Variants in DYTN observed in about 807,000 individuals in gnomAD.
DYTN encodes dystrotelin.
DYTN carries 75 observed loss-of-function variants against 69.6 expected under a neutral mutation model. That is an observed-to-expected ratio of 1.08 (90% CI 0.89 to 1.31). The LOEUF is 1.31. Ranked by LOEUF, DYTN falls within the 50% of genes most tolerant of loss-of-function variation. The pLI, the probability that DYTN is intolerant of heterozygous loss-of-function variation, is 0.00. For missense variants in DYTN, 726 were observed against 688.4 expected, an observed-to-expected ratio of 1.05 and a Z score of -0.61; for synonymous variants, 252 against 249.1, an observed-to-expected ratio of 1.01 and a Z score of -0.11.
intron 5 of DYTN, chr2:206,701,026 G>T (rs1000896854): frequency 6.6e-6 from 1 of 152,152 alleles, no homozygotes; most frequent in African/African-American, 2.4e-5. Flanking sequence ...GGGCATTTGG[G>T]TTTGTTCCAA....
intron 1 of DYTN, among the ~76,000 whole-genome samples, chr2:206,713,510 A>G (rs1700098579): frequency 6.6e-6 from 1 of 152,206 alleles, no homozygotes; most frequent in African/African-American, 2.4e-5. Flanking sequence ...AAGGAAGCAT[A>G]AAAGGAGATG....
At chr2:206,677,334 C>T (rs1272173550) in intron 9 of DYTN, among the ~76,000 whole-genome samples, 4 of 152,094 alleles carry the variant, frequency 2.6e-5, no homozygotes, top group African/African-American at 9.7e-5. Flanking sequence ...ATGTTAATGG[C>T]TATCAGAAAG....
At chr2:206,714,111 G>A (rs980061776) in intron 1 of DYTN, among the ~76,000 whole-genome samples, 5 of 152,202 alleles carry the variant, frequency 3.3e-5, no homozygotes, top group Non-Finnish European at 5.9e-5. Flanking sequence ...GAATGGAAAG[G>A]CAATGTTTCT....
intron 11 of DYTN, among the ~76,000 whole-genome samples, chr2:206,653,515 A>T (rs998116867): frequency 2.0e-5 from 3 of 152,234 alleles, no homozygotes; most frequent in Non-Finnish European, 2.9e-5. Context: ...TGTAATTAAA[A>T]GTCTATCTAG....
chr2:206,711,790 G>A (rs1252416782), intron 1 of DYTN, among the ~76,000 whole-genome samples: 1 of 133,278 alleles, frequency 7.5e-6, no homozygotes, highest in Non-Finnish European at 1.5e-5. Flanking sequence ...CTGTGTCCAT[G>A]TGTTCTCATT....
rs11436601 is a variant in DYTN at position 206,700,601 on chromosome 2, C to CTT, written c.484-387_484-386dup. On this transcript the variant is annotated intron_variant, in intron 5 of 11. Transcript: ENST00000452335. ...AGTTTAGAGTTTTAAAATATATATA[C>CTT]TTTTTTTTTTTACTTTAAGTTCTGG... is the stretch of plus-strand genomic sequence containing the variant. Among the ~76,000 whole-genome samples, 74 of 148,924 alleles carry CTT rather than the reference C, an allele frequency of 5.0e-4. No individual in the cohort carries two copies. In the East Asian group the frequency reaches 8.4e-3, roughly 17 times the overall value.
intron 11 of DYTN, among the ~76,000 whole-genome samples, chr2:206,656,606 T>C (rs1407742468): frequency 6.6e-6 from 1 of 152,206 alleles, no homozygotes; most frequent in Admixed American, 6.5e-5. Flanking sequence ...TTCGTTTTTT[T>C]CTTTTGTGCA....
rs772861150 is a variant in DYTN, at chr2:206,659,484, CAAAAAAAAAAAAAA to C, written c.1633+3405_1633+3418del. Among the ~76,000 whole-genome samples the C allele has an allele frequency of 1.0e-3, 65 of 64,576 alleles. 1 individual carries two copies. The highest frequency in any genetic ancestry group is 3.6e-3 in the African/African-American group (63 of 17,628). 42.4% of individuals were successfully genotyped at this position (64,576 alleles called of 152,430 possible). A position where few individuals can be genotyped will look rare whatever the true frequency, so the allele number is the denominator to read the frequency against. On this transcript the variant is annotated intron_variant, in intron 11 of 11. Coordinates refer to ENST00000452335, the MANE Select transcript of DYTN (RefSeq NM_001093730.1). ...CCACCACGCCGGGCCCAACAATTCT[CAAAAAAAAAAAAAA>C]AAAAAAAAAAAAACTGGATCGGTAG...
Position 206,663,351 on chromosome 2 carries a change from A to G in DYTN, c.1185T>C (p.Asn395=), listed in dbSNP as rs1471622825. Residue 395 remains asparagine (N), a synonymous_variant, in exon 11 of 12, where the codon AAT becomes AAC. Transcript: ENST00000452335. The stretch of plus-strand genomic sequence containing the variant: ...AAGAATGGTCAACCTTGTTCCCCAC[A>G]TTTTGAAAGGAAGAAGATGAAGGAC... ...PPGPSSSSFQ[N]VGNKVDHSST... 4 of 1,611,760 alleles carry G rather than the reference A, an allele frequency of 2.5e-6. No individual in the cohort carries two copies. Among genetic ancestry groups the G allele is most frequent in the Admixed American group, 3.4e-5 (2 of 59,622 alleles).
At chr2:206,655,402 T>C (rs1699436552) in intron 11 of DYTN, among the ~76,000 whole-genome samples, 1 of 151,812 alleles carries the variant, frequency 6.6e-6, no homozygotes, top group Non-Finnish European at 1.5e-5. Context: ...TGTGTCACCA[T>C]GCCCAGCTAA....
At chr2:206,681,179 ATTG>A (rs1384354173) in intron 9 of DYTN, among the ~76,000 whole-genome samples, 4 of 151,836 alleles carry the variant, frequency 2.6e-5, no homozygotes, top group African/African-American at 4.8e-5. Context: ...CTGCTTGTCT[ATTG>A]TTGTTGTATA....
At chr2:206,691,264 T>C (rs986909271) in intron 9 of DYTN, among the ~76,000 whole-genome samples, 6 of 152,068 alleles carry the variant, frequency 3.9e-5, no homozygotes, top group African/African-American at 1.4e-4. Flanking sequence ...AATACAAAAA[T>C]TAGTCAGTTG....
chr2:206,692,783 T>A (rs1030305353), intron 9 of DYTN, among the ~76,000 whole-genome samples: 2 of 151,972 alleles, frequency 1.3e-5, no homozygotes, highest in Admixed American at 1.3e-4. Flanking sequence ...TGAGTGGTGG[T>A]ATGCTGAGTG....
intron 7 of DYTN, among the ~76,000 whole-genome samples, chr2:206,696,432 G>A (rs908071650): frequency 6.6e-6 from 1 of 151,276 alleles, no homozygotes; most frequent in Non-Finnish European, 1.5e-5. Flanking sequence ...GTTTACTGCT[G>A]TACTTCCAAC....
In DYTN at chr2:206,708,200, CT is replaced by C. The variant is rs930643918; in HGVS notation, c.95-698del. ...ATACTGAATATTTTTTAACCACCTT[CT>C]CCTAAAATTTTTACAAGGCAATGAA... On this transcript the variant is annotated intron_variant, in intron 2 of 11. Coordinates refer to ENST00000452335, the MANE Select transcript of DYTN (RefSeq NM_001093730.1). 5.8e-4 allele frequency among the ~76,000 whole-genome samples: 89 copies of C among 152,154 alleles called. 1 individual carries two copies. The highest frequency in any genetic ancestry group is 1.0e-4 in the Non-Finnish European group (7 of 68,030).
intron 9 of DYTN, among the ~76,000 whole-genome samples, chr2:206,676,366 G>A (rs537004047): frequency 7.9e-5 from 12 of 152,176 alleles, no homozygotes; most frequent in African/African-American, 2.9e-4. Context: ...CTCATAAGTG[G>A]GAGCTGAACA....
chr2:206,700,302 C>A, intron 5 of DYTN, 86 bp from the exon 6 acceptor site: 3 of 1,443,110 alleles, frequency 2.1e-6, no homozygotes, highest in Admixed American at 1.7e-5. Flanking sequence ...CTGGTGCCCA[C>A]GGCTGTGTAG....
intron 10 of DYTN, among the ~76,000 whole-genome samples, chr2:206,665,441 T>G (rs1337378996): frequency 6.6e-6 from 1 of 151,534 alleles, no homozygotes; most frequent in Non-Finnish European, 1.5e-5. Context: ...TTTATTTAAT[T>G]TTATTTTATT....
chr2:206,671,511 T>C (rs774018159), intron 9 of DYTN, among the ~76,000 whole-genome samples: 2 of 152,208 alleles, frequency 1.3e-5, no homozygotes, highest in Non-Finnish European at 2.9e-5. Context: ...ATTTTTAAAA[T>C]AATTACAACT....
Sources: gnomAD v4.1 joint callset for allele counts (sites outside exome capture counted in the v4.1 genomes callset) on GRCh38, gnomAD v4.1.1 for gene constraint, MANE v1.5 for transcripts, NCBI Gene and HGNC (gene_info 2026-07-23, HGNC 2026-07-21) for gene names.